The following PKIB variants were observed in gnomAD, a reference collection of about 807,000 sequenced individuals.
The protein encoded by PKIB is PKI-beta.
Under a neutral mutation model 4.5 loss-of-function variants are expected in PKIB, and 2 were observed. The ratio of observed to expected loss-of-function variants is 0.44; its 90% confidence interval spans 0.18 to 1.39. The LOEUF is 1.39. Among genes scored for constraint, PKIB ranks in the 40% most tolerant of loss-of-function variants. PKIB has a pLI of 0.27. For missense variants in PKIB, 94 were observed against 92.6 expected (o/e 1.02, Z -0.06); for synonymous variants, 38 against 36.0 (o/e 1.06, Z -0.20).
intron 2 of PKIB, among the ~76,000 whole-genome samples, chr6:122,530,736 G>A (rs1163701747): frequency 6.6e-6 from 1 of 152,174 alleles, no homozygotes; most frequent in Non-Finnish European, 1.5e-5. Context: ...GTGAGAAAGA[G>A]ATCAGTCCCC....
intron 3 of PKIB, among the ~76,000 whole-genome samples, chr6:122,697,387 T>C (rs1273569112): frequency 6.6e-6 from 1 of 151,956 alleles, no homozygotes; most frequent in Non-Finnish European, 1.5e-5. Context: ...GACATCAGTT[T>C]AAATCTTGAT....
intron 2 of PKIB, among the ~76,000 whole-genome samples, chr6:122,548,568 A>G (rs1562247487): frequency 6.6e-6 from 1 of 152,240 alleles, no homozygotes; most frequent in East Asian, 1.9e-4. Context: ...ATATTATTCA[A>G]AGTGCTTCAA....
Position 122,563,073 on chromosome 6 carries a change from T to G in PKIB, c.-247-22848T>G, listed in dbSNP as rs539151874. On this transcript the variant is annotated intron_variant, in intron 2 of 6. Transcript: ENST00000392491. The stretch of plus-strand genomic sequence containing the variant: ...ATATTACCAGGGTTGGTTTTCTGGT[T>G]CCTTCTCATTTAGGTAGGCTCTGTC... Among the ~76,000 whole-genome samples the G allele has an allele frequency of 3.3e-5, 5 of 152,264 alleles. No individual in the cohort carries two copies. In the South Asian group the frequency reaches 1.0e-3, roughly 32 times the overall value.
chr6:122,535,562 A>G (rs1024529278), intron 2 of PKIB, among the ~76,000 whole-genome samples: 2 of 152,190 alleles, frequency 1.3e-5, no homozygotes, highest in Non-Finnish European at 2.9e-5. Flanking sequence ...ACCTTCCAGC[A>G]TGATGCCTTC....
chr6:122,699,263 A>G (rs929380987), intron 3 of PKIB, among the ~76,000 whole-genome samples: 1 of 114,592 alleles, frequency 8.7e-6, no homozygotes, highest in Non-Finnish European at 1.7e-5. Flanking sequence ...TAAAAAAAAA[A>G]GAATTGCATT....
intron 3 of PKIB, among the ~76,000 whole-genome samples, chr6:122,682,311 C>T (rs749161021): frequency 4.6e-5 from 7 of 152,034 alleles, no homozygotes; most frequent in Non-Finnish European, 8.8e-5. Flanking sequence ...GAATGTTTGC[C>T]AACATGGGGG....
At chr6:122,565,655 C>A (rs971969937) in intron 2 of PKIB, among the ~76,000 whole-genome samples, 6 of 152,092 alleles carry the variant, frequency 3.9e-5, no homozygotes, top group African/African-American at 1.4e-4. Context: ...GATGGACTAC[C>A]CTATAGCTAC....
chr6:122,616,624 A>T (rs1050435929), intron 1 of PKIB, among the ~76,000 whole-genome samples: 1 of 152,084 alleles, frequency 6.6e-6, no homozygotes, highest in Admixed American at 6.6e-5. Flanking sequence ...AATAAAGGGG[A>T]TTGGGTTAAG....
At chr6:122,530,112 C>A (rs1355983419) in intron 2 of PKIB, among the ~76,000 whole-genome samples, 1 of 151,854 alleles carries the variant, frequency 6.6e-6, no homozygotes, top group Non-Finnish European at 1.5e-5. Context: ...TTTCACTTTT[C>A]TTTACTCTTT....
chr6:122,722,718 A>G (rs753358102), intron 4 of PKIB, among the ~76,000 whole-genome samples: 2 of 152,186 alleles, frequency 1.3e-5, no homozygotes. Flanking sequence ...AAGGCAACCA[A>G]TTATGATTGT....
At chr6:122,592,405 G>A (rs1774044730) in intron 3 of PKIB, among the ~76,000 whole-genome samples, 1 of 152,158 alleles carries the variant, frequency 6.6e-6, no homozygotes, top group Non-Finnish European at 1.5e-5. Flanking sequence ...TTTATCTTAA[G>A]TTAGGGTTTG....
intron 2 of PKIB, among the ~76,000 whole-genome samples, chr6:122,500,643 A>G (rs1459736330): frequency 6.6e-6 from 1 of 152,198 alleles, no homozygotes; most frequent in Non-Finnish European, 1.5e-5. Flanking sequence ...CTAGAAAACA[A>G]GTAGGCATTG....
chr6:122,654,064 A>G (rs1477408290), intron 2 of PKIB, among the ~76,000 whole-genome samples: 1 of 152,112 alleles, frequency 6.6e-6, no homozygotes, highest in Non-Finnish European at 1.5e-5. Flanking sequence ...CAAGATATGC[A>G]CCTCTATTTT....
intron 1 of PKIB, among the ~76,000 whole-genome samples, chr6:122,632,044 T>C (rs989297956): frequency 3.3e-5 from 5 of 152,330 alleles, no homozygotes; most frequent in African/African-American, 1.2e-4. Flanking sequence ...GCAGGGATAC[T>C]GGTGAGAAAT....
At chr6:122,601,823 A>G (rs952052545) in intron 3 of PKIB, among the ~76,000 whole-genome samples, 1 of 152,142 alleles carries the variant, frequency 6.6e-6, no homozygotes, top group African/African-American at 2.4e-5. Flanking sequence ...AGGCTTCTGG[A>G]CAACAGTAGC....
intron 2 of PKIB, among the ~76,000 whole-genome samples, chr6:122,538,264 C>T (rs1017550901): frequency 5.9e-5 from 9 of 152,008 alleles, no homozygotes; most frequent in African/African-American, 9.7e-5. Flanking sequence ...ATGCCTATGT[C>T]CTGAATGGTA....
intron 3 of PKIB, among the ~76,000 whole-genome samples, chr6:122,704,132 G>A (rs1317057595): frequency 6.6e-6 from 1 of 152,010 alleles, no homozygotes; most frequent in African/African-American, 2.4e-5. Flanking sequence ...TAAGGCAAAA[G>A]ATTGAAGACT....
intron 2 of PKIB, chr6:122,479,662 T>G (rs1207740955): frequency 6.6e-6 from 1 of 152,232 alleles, no homozygotes; most frequent in African/African-American, 2.4e-5. Flanking sequence ...CTCTTTGCCC[T>G]CTGCTTTATT....
intron 2 of PKIB, among the ~76,000 whole-genome samples, chr6:122,558,299 A>T (rs879519925): frequency 2.0e-5 from 3 of 152,222 alleles, no homozygotes; most frequent in Admixed American, 1.3e-4. Context: ...CCAGGCTTAT[A>T]TTCTACCAGC....
Sources: allele counts gnomAD v4.1 joint callset (sites outside exome capture counted in the v4.1 genomes callset), GRCh38; gene constraint gnomAD v4.1.1; transcripts MANE v1.5; gene names NCBI Gene and HGNC (gene_info 2026-07-23, HGNC 2026-07-21).